SIPA1L3: variants seen among roughly 807,000 people sequenced by gnomAD.
The protein encoded by SIPA1L3 is signal induced proliferation associated 1 like 3.
SIPA1L3 carries 59 observed loss-of-function variants against 150.1 expected under a neutral mutation model. That is an observed-to-expected ratio of 0.39 (90% CI 0.32 to 0.49). The LOEUF is 0.49. Ranked by LOEUF, SIPA1L3 falls within the 20% of genes least tolerant of loss-of-function variation. The pLI is 0.86. For synonymous variants in SIPA1L3, 1,070 were observed against 1,077.6 expected (o/e 0.99, Z 0.14); for missense variants, 2,211 against 2,489.5 (o/e 0.89, Z 2.38).
chr19:37,927,521 CGT>C (rs144453861), intron 1 of SIPA1L3, among the ~76,000 whole-genome samples: 7,369 of 136,534 alleles, frequency 0.054, 200 homozygotes, highest in African/African-American at 0.092. Context: ...GTCTGTTGTT[CGT>C]GTGTGTGTGT....
intron 15 of SIPA1L3, among the ~76,000 whole-genome samples, chr19:38,168,301 C>A (rs550056214): frequency 6.6e-6 from 1 of 152,100 alleles, no homozygotes; most frequent in South Asian, 2.1e-4. Context: ...GCAGGAGAAT[C>A]CCTTGAACCT....
chr19:37,999,385 A>G (rs973299003), intron 1 of SIPA1L3, among the ~76,000 whole-genome samples: 1 of 152,140 alleles, frequency 6.6e-6, no homozygotes, highest in Non-Finnish European at 1.5e-5. Context: ...AATCTTCCAC[A>G]ATGACTAAAT....
intron 2 of SIPA1L3, among the ~76,000 whole-genome samples, chr19:38,043,077 C>T (rs1968962307): frequency 6.6e-6 from 1 of 152,202 alleles, no homozygotes; most frequent in African/African-American, 2.4e-5. Flanking sequence ...CGGTGGCTCA[C>T]ACCTGTAATC....
Position 38,003,198 on chromosome 19 carries a change from G to A in SIPA1L3, c.-378-25891G>A, listed in dbSNP as rs1967851883. On this transcript the variant is annotated intron_variant, in intron 1 of 21. Transcript: ENST00000222345. Reference sequence around the variant, plus strand: ...AGAGTTTATTCAGTAAACATCAACTGAAGACCCTACTCTGGGCCAGGCACC... The same window carrying A: ...AGAGTTTATTCAGTAAACATCAACTAAAGACCCTACTCTGGGCCAGGCACC... Among the ~76,000 whole-genome samples the A allele has an allele frequency of 3.3e-5, 5 of 152,150 alleles. No individual in the cohort carries two copies. In the South Asian group the frequency reaches 1.0e-3, roughly 32 times the overall value.
At position 38,082,403 on chromosome 19, in the gene SIPA1L3, AAGG is replaced by A. The variant is rs1324364023; in HGVS notation, c.841_843del (p.Glu281del). ...CCTGCCACTGCAGCCCACGAAGGAG[AAGG>A]AGAAGGCCCGGAAGAAACCTGCGCG... On this transcript the variant is annotated inframe_deletion, in exon 3 of 22. Transcript: ENST00000222345. 6.3e-7 allele frequency: 1 copy of A among 1,598,690 alleles called. No individual in the cohort carries two copies. Among genetic ancestry groups the A allele is most frequent in the Non-Finnish European group, 8.5e-7 (1 of 1,177,216 alleles).
At chr19:37,991,135 G>A (rs1418190089) in intron 1 of SIPA1L3, among the ~76,000 whole-genome samples, 8 of 152,190 alleles carry the variant, frequency 5.3e-5, no homozygotes, top group African/African-American at 9.7e-5. Context: ...GGGAGGCTGA[G>A]GCATGAGAAT....
chr19:38,088,799 A>G lies in SIPA1L3; in HGVS notation c.1613A>G (p.His538Arg), dbSNP rs1270637603. The G allele has an allele frequency of 6.2e-7, 1 of 1,614,116 alleles. No individual in the cohort carries two copies. The highest frequency in any genetic ancestry group is 8.5e-7 in the Non-Finnish European group (1 of 1,179,996). ...ATTAAGCGGGAGAAGCTGGAAGACC[A>G]CAAGGAGCACGGACCTCAGTACCAG... ...VSIKREKLED[H>R]KEHGPQYQYR... The change falls in exon 4 of 22, where the codon CAC (histidine) becomes CGC (arginine). Residue 538 changes from histidine to arginine, a missense_variant. Physicochemically the swap from His to Arg is conservative, Grantham distance 29 (BLOSUM62 0). Transcript: ENST00000222345.
chr19:38,074,889 C>A (rs1037978401), intron 2 of SIPA1L3, among the ~76,000 whole-genome samples: 1 of 152,140 alleles, frequency 6.6e-6, no homozygotes, highest in Non-Finnish European at 1.5e-5. Flanking sequence ...TACGCCACCA[C>A]GCCTGGCTAA....
At chr19:37,991,975 C>G (rs568521584) in intron 1 of SIPA1L3, among the ~76,000 whole-genome samples, 2 of 152,102 alleles carry the variant, frequency 1.3e-5, no homozygotes, top group African/African-American at 2.4e-5. Flanking sequence ...ATACCTGCCT[C>G]GTTGACTTTG....
chr19:38,196,667 C>CCAAGGGTGGAGCGTGGAGGT, intron 18 of SIPA1L3, among the ~76,000 whole-genome samples: 1 of 145,146 alleles, frequency 6.9e-6, no homozygotes, highest in African/African-American at 2.6e-5. Context: ...AGCAAGGAGG[C>CCAAGGGTGGAGCGTGGAGGT]CAAGGGTGGA....
At chr19:38,079,624 G>A (rs530255930) in intron 2 of SIPA1L3, among the ~76,000 whole-genome samples, 2 of 150,460 alleles carry the variant, frequency 1.3e-5, no homozygotes, top group South Asian at 2.1e-4. Context: ...TGGTGTGATC[G>A]TGGCTCATGC....
intron 1 of SIPA1L3, among the ~76,000 whole-genome samples, chr19:37,958,028 T>C (rs985386192): frequency 1.3e-5 from 2 of 152,156 alleles, no homozygotes; most frequent in African/African-American, 4.8e-5. Flanking sequence ...AAGTATCTTA[T>C]TTAGTGGAGA....
Position 38,082,079 on chromosome 19 carries a change from A to G in SIPA1L3, c.514A>G (p.Ser172Gly). Residue 172 changes from serine to glycine, a missense_variant, in exon 3 of 22, where the codon AGC becomes GGC. Physicochemically the swap from Ser to Gly is moderately conservative, Grantham distance 56. Around this residue, in one of 5 missense-constraint regions of SIPA1L3, gnomAD observed 587 missense variants for 534.5 expected, o/e 1.10. Coordinates refer to ENST00000222345, the MANE Select transcript of SIPA1L3 (RefSeq NM_015073.3). ...CCTCCCCCTTCGGCACCGCAGCAGC[A>G]GCGAGATCACCCTCAGCGAGTGTGA... ...AFLPLRHRSSSEITLSECDAE... is the reference protein window; with the variant it reads ...AFLPLRHRSSGEITLSECDAE... The G allele has an allele frequency of 1.2e-6, 2 of 1,612,030 alleles. No homozygotes were observed. The highest frequency in any genetic ancestry group is 1.7e-6 in the Non-Finnish European group (2 of 1,179,878).
intron 1 of SIPA1L3, among the ~76,000 whole-genome samples, chr19:37,916,267 T>C (rs1157978787): frequency 6.6e-6 from 1 of 151,852 alleles, no homozygotes; most frequent in East Asian, 1.9e-4. Flanking sequence ...CCTCAGGTGG[T>C]CTTCCCGCCT....
intron 1 of SIPA1L3, among the ~76,000 whole-genome samples, chr19:37,927,270 G>A (rs981196524): frequency 6.7e-5 from 10 of 150,166 alleles, no homozygotes; most frequent in Admixed American, 2.0e-4. Flanking sequence ...TCAGCCTCCC[G>A]AGTAGCTGGG....
Position 38,128,852 on chromosome 19 carries a change from G to A in SIPA1L3, c.2869-1646G>A, listed in dbSNP as rs553938020. 2.8e-4 allele frequency among the ~76,000 whole-genome samples: 42 copies of A among 151,936 alleles called. 1 individual carries two copies. The South Asian group carries it at 8.6e-3, about 31-fold the overall frequency. On this transcript the variant is annotated intron_variant, in intron 9 of 21. Transcript: ENST00000222345. ...GCGGAGGTGGCAGTGAGCTGAGATCGGGCCACTGCACTCCAGCCTGGGCGA... is the reference window on the plus strand; with the variant it reads ...GCGGAGGTGGCAGTGAGCTGAGATCAGGCCACTGCACTCCAGCCTGGGCGA...
chr19:38,176,707 T>G lies in SIPA1L3; in HGVS notation c.4209-5812T>G, dbSNP rs571045231. 8.9e-4 allele frequency among the ~76,000 whole-genome samples: 136 copies of G among 152,246 alleles called. 1 individual carries two copies. The highest frequency in any genetic ancestry group is 3.1e-3 in the African/African-American group (127 of 41,564). ...ACCACTTAGGCCAGGCATGGAGGCT[T>G]ACACCTGTAATCCCAGCACTTTGGG... On this transcript the variant is annotated intron_variant, in intron 15 of 21. Coordinates refer to ENST00000222345, the MANE Select transcript of SIPA1L3 (RefSeq NM_015073.3).
chr19:37,950,792 T>A (rs1473569338), intron 1 of SIPA1L3, among the ~76,000 whole-genome samples: 1 of 152,220 alleles, frequency 6.6e-6, no homozygotes. Flanking sequence ...CTTCTTCTCT[T>A]GTGAAAGGCA....
intron 2 of SIPA1L3, among the ~76,000 whole-genome samples, chr19:38,051,877 G>A (rs1169720264): frequency 7.2e-5 from 11 of 152,162 alleles, no homozygotes; most frequent in South Asian, 2.1e-4. Context: ...GATCGCAGGC[G>A]TGAGCCACCA....
Sources: allele counts gnomAD v4.1 joint callset (sites outside exome capture counted in the v4.1 genomes callset), GRCh38; gene constraint gnomAD v4.1.1; regional missense constraint gnomAD v4.1.1; transcripts MANE v1.5; gene names NCBI Gene and HGNC (gene_info 2026-07-23, HGNC 2026-07-21).